Variants in SP140 observed in about 807,000 individuals in gnomAD.
SP140 encodes nuclear body protein SP140.
SP140 carries 81 observed loss-of-function variants against 125.0 expected under a neutral mutation model. That is an observed-to-expected ratio of 0.65 (90% confidence interval 0.54 to 0.78). The LOEUF (loss-of-function observed/expected upper bound fraction) is 0.78. Among genes scored for constraint, SP140 ranks in the 30% least tolerant of loss-of-function variants. The probability of loss-of-function intolerance (pLI) is 0.00; values close to 1 mark genes in which losing one functional copy is unlikely to be tolerated. For missense variants in SP140, 858 were observed against 1,037.0 expected, an observed-to-expected ratio of 0.83 and a Z score of 2.37; for synonymous variants, 312 against 354.0, an observed-to-expected ratio of 0.88 and a Z score of 1.33.
At chr2:230,212,952 C>T in intron 1 of SP140, 1 of 1,614,036 alleles carries the variant, frequency 6.2e-7, no homozygotes, top group South Asian at 1.1e-5. Flanking sequence ...ATGGAGGGAG[C>T]TTCCTTCTGC....
intron 3 of SP140, chr2:230,238,601 G>A: frequency 1.3e-6 from 1 of 764,940 alleles, no homozygotes; most frequent in South Asian, 1.9e-5. Context: ...CCTGCAAATG[G>A]TTGCTCAGCC....
At chr2:230,255,429 AG>A in intron 11 of SP140, 22 bp from the exon 12 acceptor site, 2 of 1,612,806 alleles carry the variant, frequency 1.2e-6, no homozygotes, top group Non-Finnish European at 1.7e-6. Flanking sequence ...GAGACCTCTG[AG>A]GGATTTCCTT....
At chr2:230,273,570 A>G (rs549809078) in intron 15 of SP140, among the ~76,000 whole-genome samples, 2 of 152,286 alleles carry the variant, frequency 1.3e-5, no homozygotes, top group East Asian at 3.9e-4. Context: ...CAGAAATACC[A>G]TTTGACCCAG....
chr2:230,295,561 A>C (rs1490816502), intron 21 of SP140, among the ~76,000 whole-genome samples: 1 of 152,174 alleles, frequency 6.6e-6, no homozygotes, highest in East Asian at 1.9e-4. Context: ...AGTTGCCTCT[A>C]TATGTTGTGT....
intron 12 of SP140, among the ~76,000 whole-genome samples, chr2:230,267,011 G>C (rs1030923995): frequency 6.6e-6 from 1 of 152,192 alleles, no homozygotes; most frequent in East Asian, 1.9e-4. Context: ...ATTAGGGAAA[G>C]AAATATTTGG....
rs115073675 is a variant in SP140, at chr2:230,211,035, A to G, written c.-322-2619A>G. Among the ~76,000 whole-genome samples, 127 of 152,240 alleles carry G rather than the reference A, an allele frequency of 8.3e-4. 1 individual carries two copies. Among genetic ancestry groups the G allele is most frequent in the African/African-American group, 2.6e-3 (110 of 41,548 alleles). ...TTTGCATTTTGACAGAGCCGTTTTG[A>G]GCACTACTTTATTGAAGTGGCCTCA... On this transcript the variant is annotated intron_variant, in intron 1 of 4. Transcript: ENST00000456542. This position sits in a 1 kb window ranked among gnomAD's most constrained non-coding sequence, Gnocchi z 4.2.
chr2:230,214,371 T>C lies in SP140; in HGVS notation c.-91+297T>C, dbSNP rs1188393754. On this transcript the variant is annotated intron_variant, in intron 3 of 4. Transcript: ENST00000456542. ...CTTGTCCGGACTAGTGGTTAAAATC[T>C]TGGGCCCTGGTATTGGGAGACCCAA... Among the ~76,000 whole-genome samples, 3 of 152,164 alleles carry C rather than the reference T, an allele frequency of 2.0e-5. No individual in the cohort carries two copies. In the East Asian group the frequency reaches 5.8e-4, roughly 29 times the overall value.
chr2:230,291,232 A>G (rs1050307900), intron 19 of SP140, among the ~76,000 whole-genome samples: 1 of 152,238 alleles, frequency 6.6e-6, no homozygotes, highest in Non-Finnish European at 1.5e-5. Flanking sequence ...TTTGGATGTC[A>G]ATTAACAGAA....
At chr2:230,245,981 A>G (rs756025511) in intron 7 of SP140, 41 bp downstream of exon 7, 1 of 1,182,858 alleles carries the variant, frequency 8.5e-7, no homozygotes, top group East Asian at 2.3e-5. Context: ...TTCTGTCAAC[A>G]TACAAAAACA....
intron 15 of SP140, among the ~76,000 whole-genome samples, chr2:230,283,783 G>A: frequency 6.6e-6 from 1 of 152,160 alleles, no homozygotes; most frequent in East Asian, 1.9e-4. Context: ...TGAGTTTCTG[G>A]GGTCACCATA....
Position 230,237,104 on chromosome 2 carries a change from C to T in SP140, c.81C>T (p.Asn27=), listed in dbSNP as rs148457175. 4.6e-5 allele frequency: 73 copies of T among 1,596,962 alleles called. No individual in the cohort carries two copies. Among genetic ancestry groups the T allele is most frequent in the Middle Eastern group, 1.7e-4 (1 of 5,990 alleles). The change falls in exon 2 of 27, where the codon AAC becomes AAT. Residue 27 remains asparagine (N), a synonymous_variant. Coordinates refer to ENST00000392045, the MANE Select transcript of SP140 (RefSeq NM_007237.5). The surrounding 1 kb of genome is among the most constrained non-coding windows in gnomAD (Gnocchi z 5.4). ...LNFRMVAEIQ[N]VEGQNLQEQV... is the part of the protein sequence containing the mutation. ...TTAGGATGGTCGCAGAGATCCAGAA[C>T]GTAGAGGGTCAGAACCTGCAGGAGC...
At chr2:230,220,825 G>T (rs1034805328), upstream of SP140, among the ~76,000 whole-genome samples, 2 of 152,102 alleles carry the variant, frequency 1.3e-5, no homozygotes, top group South Asian at 4.1e-4. Context: ...GCAACATAGT[G>T]AGACCCCATC....
intron 6 of SP140, 134 bp from the exon 7 acceptor site, chr2:230,245,729 C>G (rs1314396422): frequency 3.2e-6 from 2 of 619,324 alleles, no homozygotes; most frequent in Non-Finnish European, 5.8e-6. Flanking sequence ...GAAGTAGAGC[C>G]ACTTTTGTTT....
rs557530876 is a variant in SP140 at position 230,306,732 on chromosome 2, G to C, written c.2059-3192G>C. The stretch of plus-strand genomic sequence containing the variant: ...GCTGCCTGCACCCCTCTGGATTTTG[G>C]GTGCTGACGATCATAGGAGAGAGGC... On this transcript the variant is annotated intron_variant, in intron 22 of 26. Transcript: ENST00000392045. Among the ~76,000 whole-genome samples, 640 of 152,344 alleles carry C rather than the reference G, an allele frequency of 4.2e-3. 5 individuals are homozygous for C. The highest frequency in any genetic ancestry group is 6.9e-3 in the Non-Finnish European group (472 of 68,020).
rs1362672875 is a variant in SP140 at position 230,310,389 on chromosome 2, A to G, written c.2174+350A>G. The G allele has an allele frequency of 1.5e-3, 735 of 494,830 alleles. 21 individuals carry two copies. In the Admixed American group the frequency reaches 0.023, roughly 15 times the overall value. The allele number at this position is 494,830 out of a possible 1,614,324, so 30.7% of individuals were successfully genotyped here. On this transcript the variant is annotated intron_variant, in intron 23 of 26. Coordinates refer to ENST00000392045, the MANE Select transcript of SP140 (RefSeq NM_007237.5). ...TTATTCATACAAGACAGGAAGCACG[A>G]TCTCATTGGGCTGTTGGAGGCCCGA...
chr2:230,211,540 G>T lies in SP140; in HGVS notation c.-322-2114G>T. The T allele has an allele frequency of 6.2e-7, 1 of 1,606,474 alleles. No individual in the cohort carries two copies. Among genetic ancestry groups the T allele is most frequent in the Non-Finnish European group, 8.5e-7 (1 of 1,173,000 alleles). ...CTTTATCTCTTATTTGGGGGATCAG[G>T]TTGTCACTGGCCACTGAATGGAGGA... On this transcript the variant is annotated intron_variant, in intron 1 of 4. Coordinates refer to the SP140 transcript ENST00000456542. This position sits in a 1 kb window ranked among gnomAD's most constrained non-coding sequence, Gnocchi z 4.2.
intron 18 of SP140, 78 bp from the exon 19 acceptor site, chr2:230,290,382 T>C (rs2056977560): frequency 3.8e-6 from 5 of 1,302,872 alleles, no homozygotes; most frequent in Non-Finnish European, 5.5e-6. Flanking sequence ...CCCTCGTGTC[T>C]TTATAGGAAT....
chr2:230,297,340 A>T, intron 21 of SP140, 81 bp from the exon 22 acceptor site: 1 of 1,501,244 alleles, frequency 6.7e-7, no homozygotes, highest in East Asian at 2.3e-5. Flanking sequence ...CCCTTCAAAG[A>T]ATACTATTTA....
At chr2:230,259,488 G>T (rs930296390) in intron 12 of SP140, among the ~76,000 whole-genome samples, 3 of 151,108 alleles carry the variant, frequency 2.0e-5, no homozygotes, top group Admixed American at 6.6e-5. Flanking sequence ...GACCAACCTG[G>T]CCAACATGGC....
Sources: allele counts gnomAD v4.1 joint callset (sites outside exome capture counted in the v4.1 genomes callset), GRCh38; gene constraint gnomAD v4.1.1; non-coding constraint Gnocchi (gnomAD v3.1); transcripts MANE v1.5; gene names NCBI Gene and HGNC (gene_info 2026-07-23, HGNC 2026-07-21).